SCN10A: variants seen among roughly 807,000 people sequenced by gnomAD.
SCN10A encodes sodium channel protein type 10 subunit alpha.
A neutral mutation model predicts 170.7 loss-of-function variants in SCN10A; 162 were observed. The observed-to-expected ratio is 0.95, with a 90% CI of 0.84 to 1.08. The LOEUF (loss-of-function observed/expected upper bound fraction) is 1.08, where lower values mean the gene tolerates loss of function less well. Among genes scored for constraint, SCN10A ranks in the 50% least tolerant of loss-of-function variants. The pLI is 0.00. For missense variants in SCN10A, 2,527 were observed against 2,436.9 expected (o/e 1.04, Z -0.78); for synonymous variants, 985 against 904.6 (o/e 1.09, Z -1.59).
chr3:38,752,157 CTTG>C, intron 12 of SCN10A, 59 bp downstream of exon 12: 1 of 1,414,896 alleles, frequency 7.1e-7, no homozygotes, highest in South Asian at 1.6e-5. Flanking sequence ...ACTCAGGCTT[CTTG>C]GCTCAAGGCT....
intron 15 of SCN10A, among the ~76,000 whole-genome samples, chr3:38,737,825 TTTCTTTCTCTTTC>T (rs1190903651): frequency 7.6e-6 from 1 of 131,662 alleles, no homozygotes; most frequent in African/African-American, 3.2e-5. Flanking sequence ...TCTTTCTTTC[TTTCTTTCTCTTTC>T]TTCTTTCTTT....
intron 4 of SCN10A, among the ~76,000 whole-genome samples, chr3:38,772,788 A>C (rs2064024989): frequency 6.6e-6 from 1 of 152,276 alleles, no homozygotes; most frequent in Non-Finnish European, 1.5e-5. Context: ...AGGTGAGAAG[A>C]GGCTCCACGT....
intron 6 of SCN10A, 54 bp from the exon 7 acceptor site, chr3:38,761,437 C>A: frequency 1.4e-6 from 2 of 1,464,954 alleles, no homozygotes; most frequent in Non-Finnish European, 1.9e-6. Context: ...ACACACGGAG[C>A]ACACTTCTTC....
At chr3:38,778,779 A>G (rs778583925) in intron 4 of SCN10A, among the ~76,000 whole-genome samples, 2 of 152,104 alleles carry the variant, frequency 1.3e-5, no homozygotes, top group African/African-American at 2.4e-5. Context: ...ACTAATGGCT[A>G]TTATCAATTT....
intron 9 of SCN10A, 66 bp from the exon 10 acceptor site, chr3:38,756,937 GCCT>G: frequency 6.2e-7 from 1 of 1,606,738 alleles, no homozygotes; most frequent in South Asian, 1.1e-5. Context: ...ATTTAAGTCA[GCCT>G]CCTCCAGGAA....
intron 4 of SCN10A, among the ~76,000 whole-genome samples, chr3:38,788,232 A>AC (rs1230131346): frequency 6.7e-6 from 1 of 149,804 alleles, no homozygotes; most frequent in East Asian, 1.9e-4. Flanking sequence ...AAAAAAAAAA[A>AC]AAAAAAAGAA....
chr3:38,772,482 G>A (rs1441992507), intron 4 of SCN10A, among the ~76,000 whole-genome samples: 4 of 152,144 alleles, frequency 2.6e-5, no homozygotes, highest in Non-Finnish European at 4.4e-5. Flanking sequence ...GAGGTCAGGA[G>A]ATCGAGACCA....
chr3:38,808,653 A>T (rs1037097017), intron 1 of SCN10A, among the ~76,000 whole-genome samples: 1 of 152,202 alleles, frequency 6.6e-6, no homozygotes, highest in Non-Finnish European at 1.5e-5. Flanking sequence ...TGTGACTGAT[A>T]AGTTTAGAAT....
In SCN10A at chr3:38,697,322, G is replaced by A; in HGVS notation, c.*27C>T. 6.2e-7 allele frequency: 1 copy of A among 1,608,478 alleles called. No homozygotes were observed. The highest frequency in any genetic ancestry group is 8.5e-7 in the Non-Finnish European group (1 of 1,176,234). On this transcript the variant is annotated 3_prime_UTR_variant, in exon 28 of 28. Coordinates refer to ENST00000449082, the MANE Select transcript of SCN10A (RefSeq NM_006514.4). ...CAGAGCAGAAGGACGCATCATAACT[G>A]AACATATCCAGGCTGGAGTGTTCTC...
At chr3:38,788,211 A>G (rs1313768065) in intron 4 of SCN10A, among the ~76,000 whole-genome samples, 1 of 116,104 alleles carries the variant, frequency 8.6e-6, no homozygotes, top group Non-Finnish European at 1.8e-5. Context: ...TACTGTTATG[A>G]TTAGCAAAAA....
At chr3:38,712,574 G>C in intron 22 of SCN10A, 129 bp from the exon 23 acceptor site, 2 of 840,792 alleles carry the variant, frequency 2.4e-6, no homozygotes, top group Non-Finnish European at 3.7e-6. Context: ...AGAGAAGTGG[G>C]TTAATTAGTG....
At position 38,726,749 on chromosome 3, in the gene SCN10A, C is replaced by G; in HGVS notation, c.2944G>C (p.Asp982His). The part of the protein sequence containing the change: ...GGLQAPRGPR[D>H]EHSDFIANPT... ...TTAGCGATGAAGTCACTGTGCTCAT[C>G]CCTGGGGCCTCTGGGAGCTTGGAGC... Residue 982 changes from aspartate to histidine, a missense_variant, in exon 17 of 28, where the codon GAT becomes CAT. Transcript: ENST00000449082. 6.2e-7 allele frequency: 1 copy of G among 1,612,658 alleles called. No homozygotes were observed. The highest frequency in any genetic ancestry group is 8.5e-7 in the Non-Finnish European group (1 of 1,178,730).
chr3:38,777,742 G>A (rs2064092864), intron 4 of SCN10A, among the ~76,000 whole-genome samples: 1 of 152,060 alleles, frequency 6.6e-6, no homozygotes, highest in Non-Finnish European at 1.5e-5. Flanking sequence ...ATGTGACAAT[G>A]AGATTACTGG....
chr3:38,774,616 G>A (rs549359376), intron 4 of SCN10A, among the ~76,000 whole-genome samples: 23 of 152,262 alleles, frequency 1.5e-4, no homozygotes, highest in South Asian at 1.5e-3. Context: ...TACAAATCCC[G>A]ATATTCAGGC....
Position 38,801,866 on chromosome 3 carries a change from G to A in SCN10A, c.-32-7824C>T, listed in dbSNP as rs544241714. 4.6e-5 allele frequency among the ~76,000 whole-genome samples: 7 copies of A among 152,276 alleles called. No homozygotes were observed. In the East Asian group the frequency reaches 9.7e-4, roughly 21 times the overall value. ...ATCTACTTATATACAACTACGGTTA[G>A]CATTTTCATGTAGGTGACTCCAAAA... On this transcript the variant is annotated intron_variant, in intron 1 of 27. Coordinates refer to ENST00000449082, the MANE Select transcript of SCN10A (RefSeq NM_006514.4).
Position 38,771,366 on chromosome 3 carries a change from T to C in SCN10A, c.512A>G (p.Lys171Arg), listed in dbSNP as rs1440914322. 1 of 1,614,100 alleles carries C rather than the reference T, an allele frequency of 6.2e-7. No individual in the cohort carries two copies. The highest frequency in any genetic ancestry group is 8.5e-7 in the Non-Finnish European group (1 of 1,179,966). ...TAGACAAAATCCTCTTGCCAGTATC[T>C]TTATCAAGGCTTCAAAGGTGTAAAT... ...TVIYTFEALI[K>R]ILARGFCLNE... The change falls in exon 5 of 28, where the codon AAG becomes AGG. Residue 171 changes from lysine (K) to arginine (R), a missense_variant. By Grantham distance (26) the Lys-to-Arg change is conservative. Transcript: ENST00000449082.
At chr3:38,700,283 G>A (rs2063142968) in intron 27 of SCN10A, among the ~76,000 whole-genome samples, 1 of 152,060 alleles carries the variant, frequency 6.6e-6, no homozygotes, top group African/African-American at 2.4e-5. Context: ...CCAGGAGCTG[G>A]GAGGAGGGGA....
At chr3:38,759,810 C>G (rs970601604) in intron 8 of SCN10A, among the ~76,000 whole-genome samples, 3 of 152,194 alleles carry the variant, frequency 2.0e-5, no homozygotes, top group African/African-American at 7.2e-5. Context: ...GGGCTGTCCC[C>G]TTTAGAGGAG....
intron 1 of SCN10A, among the ~76,000 whole-genome samples, chr3:38,810,570 C>G (rs1161709294): frequency 6.6e-6 from 1 of 152,190 alleles, no homozygotes; most frequent in African/African-American, 2.4e-5. Context: ...GCCCCAAGAT[C>G]TCCCAAAGAA....
Sources: allele counts gnomAD v4.1 joint callset (sites outside exome capture counted in the v4.1 genomes callset), GRCh38; gene constraint gnomAD v4.1.1; transcripts MANE v1.5; gene names NCBI Gene and HGNC (gene_info 2026-07-23, HGNC 2026-07-21).